The following MAPK6 variants were observed in gnomAD, a reference collection of about 807,000 sequenced individuals.
The protein encoded by MAPK6 is mitogen-activated protein kinase 6.
Under a neutral mutation model 59.3 loss-of-function variants are expected in MAPK6, and 19 were observed. The ratio of observed to expected loss-of-function variants is 0.32; its 90% CI spans 0.22 to 0.47. The LOEUF is 0.47. Ranked by LOEUF, MAPK6 falls within the 20% of genes least tolerant of loss-of-function variation. The pLI, the probability that MAPK6 is intolerant of heterozygous loss-of-function variation, is 1.00. For missense variants in MAPK6, 724 were observed against 847.9 expected (o/e 0.85, Z 1.81); for synonymous variants, 316 against 290.3 (o/e 1.09, Z -0.90).
Position 52,065,050 on chromosome 15 carries a change from C to CT in MAPK6, c.*57dup, listed in dbSNP as rs748273542. The CT allele has an allele frequency of 1.1e-5, 17 of 1,494,770 alleles. No homozygotes were observed. Among genetic ancestry groups the CT allele is most frequent in the East Asian group, 2.3e-5 (1 of 43,064 alleles). 92.6% of individuals were successfully genotyped at this position (1,494,770 alleles called of 1,614,324 possible). On this transcript the variant is annotated 3_prime_UTR_variant, in exon 6 of 6. Transcript: ENST00000261845. ...GTATTCTTCATGAAATGTGTTTTGTCTTTTTTTATTACTAGTGTTTAAGTC... is the reference window on the plus strand; with the variant it reads ...GTATTCTTCATGAAATGTGTTTTGTCTTTTTTTTATTACTAGTGTTTAAGTC...
intron 3 of MAPK6, among the ~76,000 whole-genome samples, chr15:52,005,282 T>C (rs1318839763): frequency 1.3e-5 from 2 of 152,046 alleles, no homozygotes; most frequent in Non-Finnish European, 2.9e-5. Flanking sequence ...CCCAGCACTT[T>C]GGGAGGCTGA....
intron 2 of MAPK6, among the ~76,000 whole-genome samples, chr15:51,993,887 T>C (rs951531806): frequency 6.6e-6 from 1 of 151,698 alleles, no homozygotes; most frequent in Non-Finnish European, 1.5e-5. Context: ...CTGCCTCTCT[T>C]TCCCAAGTAG....
intron 1 of MAPK6, among the ~76,000 whole-genome samples, chr15:51,982,299 G>T (rs535650572): frequency 6.6e-6 from 1 of 152,166 alleles, no homozygotes; most frequent in Non-Finnish European, 1.5e-5. Context: ...CTGCTGGCAC[G>T]CAGGCTGCAT....
At chr15:52,019,655 G>A (rs2030430204) in intron 1 of MAPK6, among the ~76,000 whole-genome samples, 1 of 146,804 alleles carries the variant, frequency 6.8e-6, no homozygotes, top group Admixed American at 6.8e-5. Context: ...GGCCGGCCAG[G>A]CGGCCAGCGC....
intron 2 of MAPK6, among the ~76,000 whole-genome samples, chr15:51,985,919 C>G (rs1463293054): frequency 2.6e-5 from 4 of 151,796 alleles, no homozygotes; most frequent in Admixed American, 2.6e-4. Context: ...GATCGCTCCA[C>G]TGCACTCCAG....
At chr15:52,011,059 A>T (rs1315102267) in intron 3 of MAPK6, 1 of 152,158 alleles carries the variant, frequency 6.6e-6, no homozygotes, top group Non-Finnish European at 1.5e-5. Flanking sequence ...GTAACCTCGA[A>T]GTAGTCATAG....
intron 1 of MAPK6, among the ~76,000 whole-genome samples, chr15:52,022,919 C>T (rs1255263376): frequency 6.6e-6 from 1 of 151,832 alleles, no homozygotes; most frequent in Non-Finnish European, 1.5e-5. Flanking sequence ...ACCATCCTGG[C>T]CAACATGGTG....
intron 1 of MAPK6, among the ~76,000 whole-genome samples, chr15:52,025,309 G>A (rs560192128): frequency 1.3e-5 from 2 of 152,260 alleles, no homozygotes; most frequent in East Asian, 3.9e-4. Context: ...AGTCTTCTGA[G>A]TTGCTCTTTC....
intron 3 of MAPK6, among the ~76,000 whole-genome samples, chr15:52,055,560 G>C (rs2031945146): frequency 6.6e-6 from 1 of 152,204 alleles, no homozygotes; most frequent in South Asian, 2.1e-4. Context: ...CTGTCGCCTA[G>C]GCTGGAGTGC....
At chr15:52,055,268 G>T (rs762707521) in intron 3 of MAPK6, among the ~76,000 whole-genome samples, 1 of 152,194 alleles carries the variant, frequency 6.6e-6, no homozygotes, top group Non-Finnish European at 1.5e-5. Context: ...GTAGCTGGGT[G>T]TGGTGGCACA....
upstream of MAPK6, among the ~76,000 whole-genome samples, chr15:52,015,886 C>A (rs1157321372): frequency 7.3e-6 from 1 of 136,290 alleles, no homozygotes; most frequent in African/African-American, 2.7e-5. Context: ...GGTGAAACCC[C>A]CTCTCTACTA....
At chr15:52,018,404 T>A (rs1340735972), upstream of MAPK6, among the ~76,000 whole-genome samples, 1 of 152,234 alleles carries the variant, frequency 6.6e-6, no homozygotes, top group African/African-American at 2.4e-5. Flanking sequence ...GGCTATTCTA[T>A]GTCTGGTTCT....
At chr15:52,053,309 G>C (rs8036048) in intron 3 of MAPK6, among the ~76,000 whole-genome samples, 8,285 of 151,894 alleles carry the variant, frequency 0.055, 432 homozygotes, top group African/African-American at 0.13. Flanking sequence ...CTCCTAACCT[G>C]AAGTGATCTG....
chr15:52,020,878 C>G (rs1382081846), intron 1 of MAPK6, among the ~76,000 whole-genome samples: 1 of 152,146 alleles, frequency 6.6e-6, no homozygotes, highest in Non-Finnish European at 1.5e-5. Flanking sequence ...TAAAATTATT[C>G]ATTGATGTCC....
intron 3 of MAPK6, among the ~76,000 whole-genome samples, chr15:52,056,363 T>C (rs1489100156): frequency 1.3e-5 from 2 of 152,146 alleles, no homozygotes; most frequent in African/African-American, 2.4e-5. Context: ...TCTTACAAAA[T>C]AATCTGTCCT....
intron 1 of MAPK6, chr15:52,042,788 A>G (rs1462430299): frequency 1.3e-5 from 2 of 152,228 alleles, no homozygotes; most frequent in Non-Finnish European, 2.9e-5. Context: ...TCAGAAATGT[A>G]AAACATGACT....
chr15:52,032,630 TTGAAG>T (rs1160263423), intron 1 of MAPK6, among the ~76,000 whole-genome samples: 1 of 152,262 alleles, frequency 6.6e-6, no homozygotes, highest in Non-Finnish European at 1.5e-5. Context: ...TTAGCATTTC[TTGAAG>T]TGAAAGTCTG....
At chr15:52,019,108 G>C (rs1283837642), upstream of MAPK6, 4 of 152,296 alleles carry the variant, frequency 2.6e-5, no homozygotes, top group Admixed American at 1.3e-4. Flanking sequence ...CCCAGTCACG[G>C]GCGCTGGAAA....
At chr15:52,033,277 G>C (rs974578520) in intron 1 of MAPK6, among the ~76,000 whole-genome samples, 2 of 152,206 alleles carry the variant, frequency 1.3e-5, no homozygotes, top group African/African-American at 4.8e-5. Context: ...GGTGTTGCCA[G>C]AGGAGACTGA....
Sources: gnomAD v4.1 joint callset for allele counts (sites outside exome capture counted in the v4.1 genomes callset) on GRCh38, gnomAD v4.1.1 for gene constraint, MANE v1.5 for transcripts, NCBI Gene and HGNC (gene_info 2026-07-23, HGNC 2026-07-21) for gene names.